Variants in HSPA12A observed in about 807,000 individuals in gnomAD.
The protein encoded by HSPA12A is heat shock 70 kDa protein 12A.
A neutral mutation model predicts 69.2 loss-of-function variants in HSPA12A; 28 were observed. The ratio of observed to expected loss-of-function variants is 0.40; its 90% CI spans 0.30 to 0.55. HSPA12A has a LOEUF of 0.55. HSPA12A is among the 20% of genes least tolerant of loss of function. HSPA12A has a pLI of 0.38. For missense variants in HSPA12A, 686 were observed against 900.7 expected, an observed-to-expected ratio of 0.76 and a Z score of 3.05; for synonymous variants, 345 against 370.5, an observed-to-expected ratio of 0.93 and a Z score of 0.79.
At chr10:116,680,684 T>TGGTCTCTGGC (rs1849376401) in intron 9 of HSPA12A, among the ~76,000 whole-genome samples, 2 of 152,046 alleles carry the variant, frequency 1.3e-5, no homozygotes, top group South Asian at 4.2e-4. Context: ...CAGGGTTTCA[T>TGGTCTCTGGC]CATGTTGGCC....
chr10:116,755,446 T>C (rs113786766), intron 2 of HSPA12A, among the ~76,000 whole-genome samples: 3 of 151,662 alleles, frequency 2.0e-5, no homozygotes, highest in African/African-American at 7.3e-5. Context: ...ACTCCGTCTC[T>C]ACTAAAAATA....
At chr10:116,753,921 G>C (rs1589686380) in intron 2 of HSPA12A, among the ~76,000 whole-genome samples, 1 of 152,266 alleles carries the variant, frequency 6.6e-6, no homozygotes, top group African/African-American at 2.4e-5. Context: ...TCACTCCAGT[G>C]CTTGCTCATT....
chr10:116,816,353 G>A (rs1450976258), intron 2 of HSPA12A, among the ~76,000 whole-genome samples: 1 of 152,372 alleles, frequency 6.6e-6, no homozygotes, highest in East Asian at 1.9e-4. Context: ...CACCTGGCCT[G>A]GTCTCTGGCA....
chr10:116,814,403 C>T (rs984496922), intron 2 of HSPA12A, among the ~76,000 whole-genome samples: 16 of 152,300 alleles, frequency 1.1e-4, no homozygotes, highest in East Asian at 9.7e-4. Context: ...CTAGCCTTTC[C>T]CTTATCTTTG....
At chr10:116,845,338 T>G (rs746574166) in intron 1 of HSPA12A, among the ~76,000 whole-genome samples, 1 of 152,204 alleles carries the variant, frequency 6.6e-6, no homozygotes, top group African/African-American at 2.4e-5. Flanking sequence ...CTTAGGCAAC[T>G]CTAGCCCAGT....
chr10:116,695,269 G>A (rs1308110730), intron 5 of HSPA12A, among the ~76,000 whole-genome samples: 8 of 152,080 alleles, frequency 5.3e-5, no homozygotes, highest in Non-Finnish European at 1.2e-4. Flanking sequence ...ATGTGTCCCC[G>A]AAAACTCATG....
At chr10:116,738,659 A>G (rs1554886656) in intron 1 of HSPA12A, among the ~76,000 whole-genome samples, 2 of 152,162 alleles carry the variant, frequency 1.3e-5, no homozygotes, top group South Asian at 4.1e-4. Context: ...TGGAATTATC[A>G]ACCATTAAGT....
chr10:116,718,807 G>A (rs75554634), intron 1 of HSPA12A, among the ~76,000 whole-genome samples: 1,867 of 151,922 alleles, frequency 0.012, 49 homozygotes, highest in African/African-American at 0.044. Flanking sequence ...GAAAATGCTG[G>A]GTAAGGTACT....
intron 9 of HSPA12A, 94 bp from the exon 10 acceptor site, chr10:116,679,855 G>A: frequency 7.4e-7 from 1 of 1,356,878 alleles, no homozygotes; most frequent in Non-Finnish European, 1.0e-6. Flanking sequence ...TCATCTCTGA[G>A]CCACTTAGCA....
chr10:116,736,358 A>C (rs1851315563), intron 1 of HSPA12A, among the ~76,000 whole-genome samples: 1 of 152,166 alleles, frequency 6.6e-6, no homozygotes, highest in African/African-American at 2.4e-5. Context: ...TCCAAACTTC[A>C]GACAGCTCCT....
chr10:116,796,016 T>C (rs1844815526), intron 2 of HSPA12A, among the ~76,000 whole-genome samples: 1 of 148,588 alleles, frequency 6.7e-6, no homozygotes, highest in African/African-American at 2.5e-5. Flanking sequence ...GGCGTGGTGG[T>C]GGGTGCCTGT....
At chr10:116,739,180 G>A (rs1851402626) in intron 1 of HSPA12A, among the ~76,000 whole-genome samples, 2 of 152,032 alleles carry the variant, frequency 1.3e-5, no homozygotes, top group African/African-American at 4.8e-5. Context: ...GACCACCTGG[G>A]GCCTGCATCC....
intron 2 of HSPA12A, among the ~76,000 whole-genome samples, chr10:116,803,337 G>A (rs111954355): frequency 6.6e-6 from 1 of 152,340 alleles, no homozygotes; most frequent in South Asian, 2.1e-4. Flanking sequence ...CAGGGGCCAC[G>A]CAGAGTGGTG....
chr10:116,682,019 G>T, intron 7 of HSPA12A, 142 bp from the exon 8 acceptor site: 1 of 682,880 alleles, frequency 1.5e-6, no homozygotes, highest in Non-Finnish European at 2.5e-6. Context: ...TCAATACGAT[G>T]TCGGGAATCA....
intron 5 of HSPA12A, among the ~76,000 whole-genome samples, chr10:116,694,459 C>T (rs959303506): frequency 3.3e-5 from 5 of 152,170 alleles, no homozygotes; most frequent in African/African-American, 1.2e-4. Context: ...AGCAAGTTCC[C>T]TGGAGTCTCT....
chr10:116,836,828 T>C (rs1287367660), intron 1 of HSPA12A, among the ~76,000 whole-genome samples: 1 of 151,886 alleles, frequency 6.6e-6, no homozygotes, highest in African/African-American at 2.4e-5. Flanking sequence ...TAAAATTACA[T>C]CTATTCGTTC....
At chr10:116,735,427 G>A (rs537495308) in intron 1 of HSPA12A, among the ~76,000 whole-genome samples, 131 of 152,278 alleles carry the variant, frequency 8.6e-4, no homozygotes, top group African/African-American at 3.0e-3. Flanking sequence ...TCCCAGGAAC[G>A]CCTCAAGAGG....
intron 1 of HSPA12A, among the ~76,000 whole-genome samples, chr10:116,716,179 G>A (rs898855054): frequency 6.6e-6 from 1 of 152,110 alleles, no homozygotes; most frequent in Admixed American, 6.5e-5. Context: ...TCCATCCCCT[G>A]CTGGGCCCCT....
intron 1 of HSPA12A, among the ~76,000 whole-genome samples, chr10:116,711,695 C>T (rs560191228): frequency 1.2e-3 from 173 of 139,978 alleles, no homozygotes; most frequent in African/African-American, 4.5e-3. Context: ...GACTGAGTCT[C>T]GCTCTGTCGC....
Sources: allele counts gnomAD v4.1 joint callset (sites outside exome capture counted in the v4.1 genomes callset), GRCh38; gene constraint gnomAD v4.1.1; transcripts MANE v1.5; gene names NCBI Gene and HGNC (gene_info 2026-07-23, HGNC 2026-07-21).